PTPRD: variants seen among roughly 807,000 people sequenced by gnomAD.
PTPRD encodes receptor-type tyrosine-protein phosphatase delta.
PTPRD carries 34 observed loss-of-function variants against 214.5 expected under a neutral mutation model. That is an observed-to-expected ratio of 0.16 (90% CI 0.12 to 0.21). The LOEUF (loss-of-function observed/expected upper bound fraction) is 0.21. Ranked by LOEUF, PTPRD falls within the 10% of genes least tolerant of loss-of-function variation. The pLI, the probability that PTPRD is intolerant of heterozygous loss-of-function variation, is 1.00. For missense variants in PTPRD, 2,545 were observed against 2,398.7 expected (o/e 1.06, Z -1.27); for synonymous variants, 1,128 against 845.7 (o/e 1.33, Z -5.79).
chr9:9,681,951 T>G (rs1482335000), intron 7 of PTPRD, among the ~76,000 whole-genome samples: 1 of 151,830 alleles, frequency 6.6e-6, no homozygotes, highest in African/African-American at 2.4e-5. Flanking sequence ...TATTTCCAGT[T>G]ATTAGCATTC....
intron 8 of PTPRD, among the ~76,000 whole-genome samples, chr9:9,499,594 A>G (rs1417627005): frequency 1.3e-5 from 2 of 152,074 alleles, no homozygotes; most frequent in South Asian, 2.1e-4. Context: ...TAGTATTCCT[A>G]TCAGTATTAT....
At chr9:10,078,348 CAAAA>C (rs35499698) in intron 3 of PTPRD, among the ~76,000 whole-genome samples, 4 of 119,934 alleles carry the variant, frequency 3.3e-5, no homozygotes, top group Non-Finnish European at 7.0e-5. Flanking sequence ...CCATCTCTTC[CAAAA>C]AAAAAAAAAA....
chr9:10,138,275 G>C (rs176711), intron 3 of PTPRD, among the ~76,000 whole-genome samples: 110,288 of 151,916 alleles, frequency 0.73, 40,550 homozygotes, highest in Middle Eastern at 0.89. Context: ...TCCATACAAA[G>C]TAGGAAATCC....
chr9:10,323,544 G>A (rs1439509813), intron 3 of PTPRD, among the ~76,000 whole-genome samples: 2 of 151,510 alleles, frequency 1.3e-5, no homozygotes, highest in African/African-American at 2.4e-5. Flanking sequence ...GGGCTCAAGA[G>A]ATCCTCCTGC....
intron 3 of PTPRD, among the ~76,000 whole-genome samples, chr9:10,260,483 TC>T (rs2093621040): frequency 6.6e-6 from 1 of 152,168 alleles, no homozygotes; most frequent in Non-Finnish European, 1.5e-5. Context: ...TTTTACGCAT[TC>T]CAACTAAGAT....
intron 4 of PTPRD, among the ~76,000 whole-genome samples, chr9:9,972,988 G>A (rs2095198209): frequency 6.6e-6 from 1 of 152,056 alleles, no homozygotes. Context: ...GACATCTTTT[G>A]CAGGACATGA....
At chr9:8,647,807 C>T (rs562517711) in intron 12 of PTPRD, among the ~76,000 whole-genome samples, 2 of 152,264 alleles carry the variant, frequency 1.3e-5, no homozygotes, top group African/African-American at 4.8e-5. Context: ...TATCATTGGC[C>T]ATATTTTTAT....
At chr9:10,155,839 T>G (rs996350298) in intron 3 of PTPRD, among the ~76,000 whole-genome samples, 1 of 152,146 alleles carries the variant, frequency 6.6e-6, no homozygotes, top group African/African-American at 2.4e-5. Flanking sequence ...CTGCTGGACT[T>G]AGTTTGCAAG....
intron 10 of PTPRD, among the ~76,000 whole-genome samples, chr9:9,068,176 T>A (rs1201118949): frequency 1.3e-5 from 2 of 152,244 alleles, no homozygotes; most frequent in African/African-American, 2.4e-5. Flanking sequence ...TGTATTGATT[T>A]CTTTTTGTCC....
intron 5 of PTPRD, among the ~76,000 whole-genome samples, chr9:9,814,394 A>C (rs1343704593): frequency 6.6e-6 from 1 of 152,028 alleles, no homozygotes; most frequent in South Asian, 2.1e-4. Context: ...TAAAACCCTC[A>C]ACCCCCCACT....
At chr9:9,730,826 AG>A (rs2098176975) in intron 7 of PTPRD, among the ~76,000 whole-genome samples, 1 of 152,144 alleles carries the variant, frequency 6.6e-6, no homozygotes, top group African/African-American at 2.4e-5. Context: ...TGAGACTGGA[AG>A]CATGAAATGA....
intron 10 of PTPRD, among the ~76,000 whole-genome samples, chr9:9,099,346 G>C (rs2099788147): frequency 6.6e-6 from 1 of 152,102 alleles, no homozygotes; most frequent in Non-Finnish European, 1.5e-5. Flanking sequence ...TCTCACATGT[G>C]TCAAAATATT....
chr9:9,763,298 T>C (rs2098676758), intron 6 of PTPRD, among the ~76,000 whole-genome samples: 1 of 152,186 alleles, frequency 6.6e-6, no homozygotes, highest in Non-Finnish European at 1.5e-5. Context: ...TTCTTTTCAG[T>C]CTTTTTCTAA....
chr9:9,683,499 CT>C (rs1452106655), intron 7 of PTPRD, among the ~76,000 whole-genome samples: 3 of 151,624 alleles, frequency 2.0e-5, no homozygotes, highest in Non-Finnish European at 4.4e-5. Flanking sequence ...AAAATATGTA[CT>C]TTTTTCCTTC....
rs190358619 is a variant in PTPRD, at chr9:8,429,014, G to A, written c.4086+7578C>T. ...GGAGAAATACAATGTTTACTATCAG[G>A]AGTGAACAAATTATCTATGGAGAAA... On this transcript the variant is annotated intron_variant, in intron 35 of 45. Transcript: ENST00000381196. 9.0e-4 allele frequency among the ~76,000 whole-genome samples: 137 copies of A among 152,286 alleles called. 1 individual carries two copies. The highest frequency in any genetic ancestry group is 3.4e-3 in the Middle Eastern group (1 of 294).
intron 4 of PTPRD, among the ~76,000 whole-genome samples, chr9:9,941,235 A>G (rs2091374799): frequency 6.6e-6 from 1 of 152,170 alleles, no homozygotes; most frequent in Admixed American, 6.5e-5. Context: ...CTATGAGGGA[A>G]GGGAAAAGCT....
chr9:8,359,807 C>A (rs1229635484), intron 39 of PTPRD, among the ~76,000 whole-genome samples: 1 of 152,142 alleles, frequency 6.6e-6, no homozygotes, highest in Non-Finnish European at 1.5e-5. Flanking sequence ...GTTCTGTTTT[C>A]CTCCCCTTAT....
At chr9:8,342,448 G>A (rs184444614) in intron 39 of PTPRD, among the ~76,000 whole-genome samples, 1 of 151,972 alleles carries the variant, frequency 6.6e-6, no homozygotes, top group African/African-American at 2.4e-5. Flanking sequence ...GCTAAACCTC[G>A]CATGCTTCCT....
At chr9:10,396,871 A>G (rs1160213072) in intron 2 of PTPRD, among the ~76,000 whole-genome samples, 1 of 152,008 alleles carries the variant, frequency 6.6e-6, no homozygotes, top group Non-Finnish European at 1.5e-5. Context: ...GGAGCTGTGA[A>G]CAAAATTACA....
Sources: allele counts gnomAD v4.1 joint callset (sites outside exome capture counted in the v4.1 genomes callset), GRCh38; gene constraint gnomAD v4.1.1; transcripts MANE v1.5; gene names NCBI Gene and HGNC (gene_info 2026-07-23, HGNC 2026-07-21).